The following VAV3 variants were observed in gnomAD, a reference collection of about 807,000 sequenced individuals.
VAV3 encodes the protein guanine nucleotide exchange factor VAV3.
Under a neutral mutation model 131.2 loss-of-function variants are expected in VAV3, and 94 were observed. The observed-to-expected ratio is 0.72, with a 90% CI of 0.61 to 0.85. The LOEUF (loss-of-function observed/expected upper bound fraction) is 0.85. VAV3 is among the 40% of genes least tolerant of loss of function. The probability of loss-of-function intolerance (pLI) is 0.00; values close to 1 mark genes in which losing one functional copy is unlikely to be tolerated. For missense variants in VAV3, 939 were observed against 1,002.7 expected (o/e 0.94, Z 0.86); for synonymous variants, 349 against 342.0 (o/e 1.02, Z -0.22).
At chr1:107,738,648 C>G (rs1333670972) in intron 15 of VAV3, among the ~76,000 whole-genome samples, 1 of 152,132 alleles carries the variant, frequency 6.6e-6, no homozygotes, top group Non-Finnish European at 1.5e-5. Context: ...TGTTGTATAG[C>G]CCAAAGTAGT....
intron 2 of VAV3, among the ~76,000 whole-genome samples, chr1:107,841,675 T>C (rs560192851): frequency 8.5e-4 from 130 of 152,336 alleles, no homozygotes; most frequent in African/African-American, 3.1e-3. Context: ...ATTCAAGTAT[T>C]ATTTTTCATT....
intron 12 of VAV3, among the ~76,000 whole-genome samples, chr1:107,751,681 GC>G (rs910765523): frequency 6.7e-6 from 1 of 149,308 alleles, no homozygotes; most frequent in African/African-American, 2.5e-5. Context: ...GGGCGGGGGG[GC>G]GCGCGCTAAT....
At chr1:107,759,074 T>C (rs1179487471) in intron 10 of VAV3, among the ~76,000 whole-genome samples, 3 of 152,196 alleles carry the variant, frequency 2.0e-5, no homozygotes, top group Non-Finnish European at 4.4e-5. Flanking sequence ...GCTGGTTCTG[T>C]ACCTTACATG....
intron 1 of VAV3, among the ~76,000 whole-genome samples, chr1:107,950,486 C>A (rs1472001439): frequency 6.6e-6 from 1 of 152,130 alleles, no homozygotes; most frequent in Non-Finnish European, 1.5e-5. Flanking sequence ...AGCGTTGGAA[C>A]ATGACCAGGG....
At chr1:107,651,004 G>A (rs1385296488) in intron 19 of VAV3, among the ~76,000 whole-genome samples, 1 of 152,098 alleles carries the variant, frequency 6.6e-6, no homozygotes, top group African/African-American at 2.4e-5. Context: ...AATGAAAGAG[G>A]TGGAGCCTTT....
At chr1:107,726,803 C>G (rs186835123) in intron 15 of VAV3, among the ~76,000 whole-genome samples, 362 of 152,080 alleles carry the variant, frequency 2.4e-3, no homozygotes, top group East Asian at 8.3e-3. Flanking sequence ...GGAATAAAGC[C>G]TGCTAATTGA....
chr1:107,845,499 C>T (rs1668921479), intron 2 of VAV3, among the ~76,000 whole-genome samples: 1 of 152,064 alleles, frequency 6.6e-6, no homozygotes, highest in Non-Finnish European at 1.5e-5. Flanking sequence ...TAAAAAACTC[C>T]TGCGAACTAA....
chr1:107,840,842 A>G (rs1435680332), intron 2 of VAV3, among the ~76,000 whole-genome samples: 1 of 152,192 alleles, frequency 6.6e-6, no homozygotes, highest in Non-Finnish European at 1.5e-5. Flanking sequence ...AGACTCCTAA[A>G]AGCAAGTGTG....
In VAV3 at chr1:107,947,023, G is replaced by A. The variant is rs572742738; in HGVS notation, c.204+17643C>T. 5.4e-4 allele frequency among the ~76,000 whole-genome samples: 82 copies of A among 152,298 alleles called. No homozygotes were observed. The Middle Eastern group carries it at 0.01, about 19-fold the overall frequency. On this transcript the variant is annotated intron_variant, in intron 1 of 26. Transcript: ENST00000370056. ...AGAGGAAGCCAAGGGAACCCAGAGG[G>A]AAAAGAGCCTGCCCTAGATCATCCA...
chr1:107,829,770 T>C (rs1668166642), intron 2 of VAV3, among the ~76,000 whole-genome samples: 1 of 152,176 alleles, frequency 6.6e-6, no homozygotes, highest in Non-Finnish European at 1.5e-5. Context: ...ACAATGTCAG[T>C]CTAGCTTACA....
At chr1:107,814,413 T>C (rs532995015) in intron 2 of VAV3, among the ~76,000 whole-genome samples, 58 of 152,282 alleles carry the variant, frequency 3.8e-4, no homozygotes, top group African/African-American at 1.3e-3. Context: ...ATGTTGAGTA[T>C]TTTTTCATGT....
chr1:107,660,411 A>G (rs976493290), intron 19 of VAV3, among the ~76,000 whole-genome samples: 1 of 152,234 alleles, frequency 6.6e-6, no homozygotes, highest in Non-Finnish European at 1.5e-5. Context: ...CAAGGTAACT[A>G]GAAAAGAAAC....
chr1:107,851,458 T>G (rs1427261764), intron 2 of VAV3, among the ~76,000 whole-genome samples: 2 of 152,096 alleles, frequency 1.3e-5, no homozygotes, highest in Non-Finnish European at 2.9e-5. Flanking sequence ...TATTTTCATT[T>G]TACCTTTAAT....
chr1:107,803,663 T>C (rs949367931), intron 2 of VAV3, among the ~76,000 whole-genome samples: 1 of 152,114 alleles, frequency 6.6e-6, no homozygotes, highest in Non-Finnish European at 1.5e-5. Flanking sequence ...TTTCCTGGCC[T>C]AAGATACGGT....
chr1:107,896,413 C>T (rs1445260109), intron 1 of VAV3, among the ~76,000 whole-genome samples: 1 of 151,742 alleles, frequency 6.6e-6, no homozygotes, highest in African/African-American at 2.4e-5. Flanking sequence ...TTATTACCAA[C>T]TTGATATCTA....
At chr1:107,787,200 C>T (rs561989280) in intron 2 of VAV3, among the ~76,000 whole-genome samples, 2 of 152,170 alleles carry the variant, frequency 1.3e-5, no homozygotes, top group Non-Finnish European at 2.9e-5. Flanking sequence ...TTTCTTCTGT[C>T]CTGGTTATTG....
At chr1:107,912,726 T>C (rs1451411786) in intron 1 of VAV3, among the ~76,000 whole-genome samples, 1 of 152,236 alleles carries the variant, frequency 6.6e-6, no homozygotes, top group African/African-American at 2.4e-5. Flanking sequence ...ACTAGATACC[T>C]GCATCTGCAC....
chr1:107,843,985 A>C (rs1237167779), intron 2 of VAV3, among the ~76,000 whole-genome samples: 1 of 152,090 alleles, frequency 6.6e-6, no homozygotes, highest in Non-Finnish European at 1.5e-5. Flanking sequence ...TAACTAACCT[A>C]TAAGAGACTT....
chr1:107,669,630 T>C (rs976109047), intron 19 of VAV3, among the ~76,000 whole-genome samples: 5 of 152,212 alleles, frequency 3.3e-5, no homozygotes, highest in Admixed American at 2.0e-4. Flanking sequence ...GTTTTTCCTA[T>C]TTATGATTGT....
Sources: allele counts gnomAD v4.1 joint callset (sites outside exome capture counted in the v4.1 genomes callset), GRCh38; gene constraint gnomAD v4.1.1; transcripts MANE v1.5; gene names NCBI Gene and HGNC (gene_info 2026-07-23, HGNC 2026-07-21).